The following MPP7 variants were observed in gnomAD, a reference collection of about 807,000 sequenced individuals.
The protein encoded by MPP7 is MAGUK p55 subfamily member 7.
Under a neutral mutation model 76.5 loss-of-function variants are expected in MPP7, and 60 were observed. That is an observed-to-expected ratio of 0.78 (90% CI 0.64 to 0.97). MPP7 has a LOEUF of 0.97. Among genes scored for constraint, MPP7 ranks in the 50% least tolerant of loss-of-function variants. MPP7 has a pLI of 0.00. For missense variants in MPP7, 641 were observed against 694.0 expected (o/e 0.92, Z 0.86); for synonymous variants, 237 against 244.5 (o/e 0.97, Z 0.29).
intron 12 of MPP7, among the ~76,000 whole-genome samples, chr10:28,072,727 G>A (rs1293171104): frequency 6.6e-6 from 1 of 152,098 alleles, no homozygotes; most frequent in Non-Finnish European, 1.5e-5. Flanking sequence ...GGCACGCCTG[G>A]CCTTTGCCAT....
intron 1 of MPP7, among the ~76,000 whole-genome samples, chr10:28,239,325 T>C (rs914202086): frequency 3.3e-5 from 5 of 151,710 alleles, no homozygotes; most frequent in Admixed American, 6.6e-5. Flanking sequence ...TTTTTTTTTT[T>C]AATAGAGACG....
chr10:28,061,927 A>C (rs1291719530), intron 13 of MPP7, among the ~76,000 whole-genome samples: 1 of 152,156 alleles, frequency 6.6e-6, no homozygotes, highest in Non-Finnish European at 1.5e-5. Flanking sequence ...AATGTGTTTC[A>C]AGAATAAAGG....
At chr10:28,220,413 T>TA (rs112742077) in intron 2 of MPP7, among the ~76,000 whole-genome samples, 5,306 of 152,264 alleles carry the variant, frequency 0.035, 170 homozygotes, top group African/African-American at 0.079. Flanking sequence ...TTAAAACAAT[T>TA]ACAGGCTTTC....
At chr10:28,186,046 A>T (rs1381888354) in intron 3 of MPP7, among the ~76,000 whole-genome samples, 1 of 152,182 alleles carries the variant, frequency 6.6e-6, no homozygotes, top group East Asian at 1.9e-4. Flanking sequence ...GCTGACTTCC[A>T]TCAGAAGCAT....
intron 2 of MPP7, among the ~76,000 whole-genome samples, chr10:28,221,327 C>CA (rs770920194): frequency 4.2e-4 from 64 of 152,104 alleles, no homozygotes; most frequent in South Asian, 6.2e-4. Flanking sequence ...TTTTTTTTAG[C>CA]AACAGAATTC....
At chr10:28,120,573 A>G (rs748249202) in intron 9 of MPP7, 21 bp downstream of exon 9, 2 of 1,608,580 alleles carry the variant, frequency 1.2e-6, no homozygotes, top group East Asian at 2.2e-5. Flanking sequence ...GCACGAAGAA[A>G]TGTTTTTAAG....
intron 2 of MPP7, among the ~76,000 whole-genome samples, chr10:28,216,051 T>C (rs72803686): frequency 4.9e-4 from 74 of 152,052 alleles, no homozygotes; most frequent in Non-Finnish European, 9.3e-4. Context: ...AACTTAAAAA[T>C]GTGATCACAC....
At chr10:28,169,923 T>C (rs1435831237) in intron 3 of MPP7, among the ~76,000 whole-genome samples, 1 of 152,234 alleles carries the variant, frequency 6.6e-6, no homozygotes, top group African/African-American at 2.4e-5. Flanking sequence ...CTCTCCCTTA[T>C]CTTGCAACGG....
intron 2 of MPP7, among the ~76,000 whole-genome samples, chr10:28,229,374 C>T (rs752974587): frequency 3.9e-5 from 6 of 152,200 alleles, no homozygotes; most frequent in Non-Finnish European, 7.3e-5. Flanking sequence ...GCGTTATGTG[C>T]TTGGTAAAAA....
rs978589268 is a variant in MPP7, at chr10:28,058,426, A to G, written c.1407+69T>C. On this transcript the variant is annotated intron_variant, in intron 15 of 16. Coordinates refer to ENST00000683449, the MANE Select transcript of MPP7 (RefSeq NM_001318170.2). ...GTTGACTTCATATTATTTCATACTG[A>G]AATGCTCACATGAGGTGCTGTAGAT... The G allele has an allele frequency of 9.2e-6, 7 of 757,860 alleles. No individual in the cohort carries two copies. In the Admixed American group the frequency reaches 1.1e-4, roughly 12 times the overall value. 46.9% of individuals were successfully genotyped at this position (757,860 alleles called of 1,614,324 possible).
At chr10:28,083,614 C>T (rs1413652375) in intron 12 of MPP7, among the ~76,000 whole-genome samples, 12 of 149,984 alleles carry the variant, frequency 8.0e-5, no homozygotes, top group African/African-American at 2.5e-4. Context: ...CTCAGCTCAC[C>T]GCAACCTCTG....
intron 1 of MPP7, among the ~76,000 whole-genome samples, chr10:28,245,114 A>G (rs1294534265): frequency 6.6e-6 from 1 of 152,132 alleles, no homozygotes; most frequent in Non-Finnish European, 1.5e-5. Context: ...AATCTTCAAG[A>G]TTACACCACT....
chr10:28,090,268 C>G (rs528212097), intron 11 of MPP7, among the ~76,000 whole-genome samples: 137 of 152,142 alleles, frequency 9.0e-4, no homozygotes, highest in Non-Finnish European at 1.6e-3. Context: ...GCCTATTCAT[C>G]ATAATATTGT....
chr10:28,199,263 G>C (rs895479623), intron 3 of MPP7, among the ~76,000 whole-genome samples: 13 of 152,134 alleles, frequency 8.5e-5, no homozygotes, highest in African/African-American at 3.1e-4. Flanking sequence ...GATTTGGATG[G>C]GGACACAGCT....
intron 1 of MPP7, among the ~76,000 whole-genome samples, chr10:28,244,206 T>C (rs1839360846): frequency 6.6e-6 from 1 of 152,186 alleles, no homozygotes. Flanking sequence ...TATCTGCTAG[T>C]GACTTAAGGA....
At chr10:28,302,576 G>A (rs754636156) in intron 1 of MPP7, among the ~76,000 whole-genome samples, 11 of 152,078 alleles carry the variant, frequency 7.2e-5, no homozygotes, top group Non-Finnish European at 1.3e-4. Flanking sequence ...GGTCTGCCCC[G>A]CCGCCGCCCC....
At chr10:28,253,118 G>A (rs1839669156) in intron 1 of MPP7, among the ~76,000 whole-genome samples, 1 of 152,114 alleles carries the variant, frequency 6.6e-6, no homozygotes, top group Admixed American at 6.6e-5. Flanking sequence ...ATGTTGGACA[G>A]GCTGGTCTCG....
At position 28,150,027 on chromosome 10, in the gene MPP7, C is replaced by A; in HGVS notation, c.189G>T (p.Gln63His). Reference protein sequence around the residue: ...IHEKLHYYEKQSPVPILHGAA... With the variant: ...IHEKLHYYEKHSPVPILHGAA... ...CACCATGGAGAATGGGCACCGGACT[C>A]TGCTTCTCATAGTAGTGTAGTTTTT... The change falls in exon 4 of 17, where the codon CAG becomes CAT. Residue 63 changes from glutamine (Q) to histidine (H), a missense_variant. Transcript: ENST00000683449. The A allele has an allele frequency of 6.2e-7, 1 of 1,613,762 alleles. No individual in the cohort carries two copies. The highest frequency in any genetic ancestry group is 8.5e-7 in the Non-Finnish European group (1 of 1,179,896).
intron 8 of MPP7, among the ~76,000 whole-genome samples, chr10:28,122,906 A>G (rs1181832367): frequency 6.6e-6 from 1 of 152,122 alleles, no homozygotes; most frequent in African/African-American, 2.4e-5. Flanking sequence ...TCAAGGTTAA[A>G]AAGTCTTTTT....
Sources: gnomAD v4.1 joint callset for allele counts (sites outside exome capture counted in the v4.1 genomes callset) on GRCh38, gnomAD v4.1.1 for gene constraint, MANE v1.5 for transcripts, NCBI Gene and HGNC (gene_info 2026-07-23, HGNC 2026-07-21) for gene names.